Variants in DAP3 observed in about 807,000 individuals in gnomAD.
DAP3 encodes the protein death associated protein 3.
DAP3 carries 28 observed loss-of-function variants against 51.9 expected under a neutral mutation model. The ratio of observed to expected loss-of-function variants is 0.54; its 90% CI spans 0.40 to 0.74. DAP3 has a LOEUF of 0.74. Among genes scored for constraint, DAP3 ranks in the 30% least tolerant of loss-of-function variants. The pLI is 0.00. For synonymous variants in DAP3, 170 were observed against 170.3 expected (o/e 1.00, Z 0.01); for missense variants, 458 against 483.5 (o/e 0.95, Z 0.49).
chr1:155,699,947 C>CT (rs911389781), intron 1 of DAP3, among the ~76,000 whole-genome samples: 90 of 149,946 alleles, frequency 6.0e-4, no homozygotes, highest in Non-Finnish European at 1.1e-3. Context: ...AGTTGCCTTT[C>CT]TTTTTTTTGA....
At chr1:155,688,424 G>A (rs1272057661), upstream of DAP3, 1 of 1,546,194 alleles carries the variant, frequency 6.5e-7, no homozygotes, top group African/African-American at 1.4e-5. Context: ...CCCTCCTCGC[G>A]TTCTTCCCCA....
At chr1:155,728,892 T>C (rs1471485245) in intron 7 of DAP3, 150 bp from the exon 8 acceptor site, 3 of 640,612 alleles carry the variant, frequency 4.7e-6, no homozygotes, top group Non-Finnish European at 7.8e-6. Context: ...AAGAAAGCAT[T>C]CACTTCTACA....
chr1:155,688,178 G>T (rs761210162), upstream of DAP3: 5 of 1,614,042 alleles, frequency 3.1e-6, no homozygotes, highest in Admixed American at 6.7e-5. Context: ...CCGCTTGTCA[G>T]GAGGCGGCCA....
chr1:155,704,332 A>G (rs1655688904), intron 1 of DAP3, among the ~76,000 whole-genome samples: 1 of 152,152 alleles, frequency 6.6e-6, no homozygotes, highest in Non-Finnish European at 1.5e-5. Flanking sequence ...ACATAGGCAA[A>G]ATAATAGCTC....
chr1:155,699,299 C>G (rs1654899849), intron 1 of DAP3, among the ~76,000 whole-genome samples: 1 of 152,204 alleles, frequency 6.6e-6, no homozygotes. Context: ...GTGGGCTTAA[C>G]TAGGAGCCTG....
chr1:155,710,659 G>A (rs886225099), intron 2 of DAP3: 3 of 152,012 alleles, frequency 2.0e-5, no homozygotes, highest in East Asian at 1.9e-4. Flanking sequence ...TAATCCTCAT[G>A]ATCAACCCAT....
chr1:155,725,986 A>G lies in DAP3; in HGVS notation c.439A>G (p.Lys147Glu). The G allele has an allele frequency of 6.2e-7, 1 of 1,614,146 alleles. No homozygotes were observed. Residue 147 changes from lysine (K) to glutamate (E), a missense_variant, in exon 6 of 13, where the codon AAA becomes GAA. Coordinates refer to ENST00000368336, the MANE Select transcript of DAP3 (RefSeq NM_004632.4). The stretch of plus-strand genomic sequence containing the variant: ...TTGCCATGTTATTCATTTCTGTGCA[A>G]AACAGGACTGGCTGATACTACATAT... Reference protein sequence around the residue: ...SLCHVIHFCAKQDWLILHIPD... With the variant: ...SLCHVIHFCAEQDWLILHIPD...
intron 10 of DAP3, 42 bp downstream of exon 10, chr1:155,731,457 A>G (rs199699628): frequency 1.5e-4 from 233 of 1,573,398 alleles, no homozygotes; most frequent in Non-Finnish European, 1.9e-4. Flanking sequence ...AAAGAAATGT[A>G]TTATCATTTT....
chr1:155,696,763 C>T (rs1034402764), intron 1 of DAP3, among the ~76,000 whole-genome samples: 1 of 152,212 alleles, frequency 6.6e-6, no homozygotes, highest in Non-Finnish European at 1.5e-5. Context: ...GTTTAACATA[C>T]CTTGGGGTAA....
intron 5 of DAP3, 60 bp downstream of exon 5, chr1:155,725,550 C>A: frequency 6.8e-7 from 1 of 1,473,270 alleles, no homozygotes; most frequent in Non-Finnish European, 9.5e-7. Context: ...TCAAATAAGG[C>A]AACAGAAGAA....
At chr1:155,732,752 C>T (rs1016950909) in intron 11 of DAP3, among the ~76,000 whole-genome samples, 9 of 151,928 alleles carry the variant, frequency 5.9e-5, no homozygotes, top group East Asian at 1.9e-4. Flanking sequence ...TGGCTGGGTG[C>T]GGTGGCTCAT....
chr1:155,708,960 C>T (rs1416886087), intron 1 of DAP3: 1 of 152,218 alleles, frequency 6.6e-6, no homozygotes, highest in African/African-American at 2.4e-5. Context: ...CTCGGCCTCC[C>T]AAAGTGCTGG....
chr1:155,721,494 CT>C, intron 3 of DAP3, 22 bp from the exon 4 acceptor site: 1 of 1,611,404 alleles, frequency 6.2e-7, no homozygotes, highest in Non-Finnish European at 8.5e-7. Context: ...ACCATTATAC[CT>C]GTTTGCACTC....
intron 1 of DAP3, among the ~76,000 whole-genome samples, chr1:155,697,395 C>G (rs1654674279): frequency 1.3e-5 from 2 of 152,012 alleles, no homozygotes; most frequent in Admixed American, 6.6e-5. Flanking sequence ...AACCAGCCCC[C>G]AATATTTCAA....
intron 1 of DAP3, among the ~76,000 whole-genome samples, chr1:155,697,780 G>A (rs561807316): frequency 1.8e-4 from 27 of 152,250 alleles, no homozygotes; most frequent in Non-Finnish European, 3.2e-4. Context: ...CAACCGATCT[G>A]ACTAGAATTC....
intron 1 of DAP3, among the ~76,000 whole-genome samples, chr1:155,695,187 T>TAAA (rs1654356414): frequency 6.6e-6 from 1 of 152,216 alleles, no homozygotes. Flanking sequence ...TCTTTTTATA[T>TAAA]GTGTTGTAGT....
In DAP3 at chr1:155,729,311, A is replaced by C; in HGVS notation, c.788A>C (p.Asp263Ala). 6.2e-7 allele frequency: 1 copy of C among 1,614,182 alleles called. No individual in the cohort carries two copies. Among genetic ancestry groups the C allele is most frequent in the Non-Finnish European group, 8.5e-7 (1 of 1,180,040 alleles). Reference protein sequence around the residue: ...LGMFHLLVAVDGINALWGRTT... With the variant: ...LGMFHLLVAVAGINALWGRTT... ...ATGTTTCACCTCCTAGTGGCCGTGG[A>C]TGGAATCAATGCTCTTTGGGGAAGA... is the stretch of plus-strand genomic sequence containing the variant. The change falls in exon 9 of 13, where the codon GAT (aspartate) becomes GCT (alanine). Residue 263 changes from aspartate to alanine, a missense_variant. By Grantham distance (126) the Asp-to-Ala change is moderately radical. Coordinates refer to ENST00000368336, the MANE Select transcript of DAP3 (RefSeq NM_004632.4).
chr1:155,736,655 A>C (rs1478557011), intron 11 of DAP3: 1 of 370,110 alleles, frequency 2.7e-6, no homozygotes, highest in Non-Finnish European at 5.0e-6. Flanking sequence ...GGGCTCAAGC[A>C]ATATGCCCAT....
intron 3 of DAP3, 22 bp from the exon 4 acceptor site, chr1:155,721,495 T>C (rs769983810): frequency 1.9e-6 from 3 of 1,612,762 alleles, no homozygotes; most frequent in South Asian, 1.1e-5. Context: ...CCATTATACC[T>C]GTTTGCACTC....
Sources: gnomAD v4.1 joint callset for allele counts (sites outside exome capture counted in the v4.1 genomes callset) on GRCh38, gnomAD v4.1.1 for gene constraint, MANE v1.5 for transcripts, NCBI Gene and HGNC (gene_info 2026-07-23, HGNC 2026-07-21) for gene names.